The following PLD1 variants were observed in gnomAD, a reference collection of about 807,000 sequenced individuals.
PLD1 encodes the protein choline phosphatase 1.
In PLD1, 112 loss-of-function variants were observed where a neutral mutation model predicts 137.1. The observed-to-expected ratio is 0.82, with a 90% CI of 0.70 to 0.96. The LOEUF is 0.96. PLD1 is among the 40% of genes least tolerant of loss of function. The pLI is 0.00. For synonymous variants in PLD1, 431 were observed against 454.7 expected (o/e 0.95, Z 0.66); for missense variants, 1,321 against 1,342.0 (o/e 0.98, Z 0.24).
At chr3:171,775,622 C>A (rs1010757213) in intron 1 of PLD1, among the ~76,000 whole-genome samples, 53 of 152,128 alleles carry the variant, frequency 3.5e-4, no homozygotes, top group African/African-American at 1.3e-3. Flanking sequence ...AGGGGCGGAT[C>A]ACCTGAGGTC....
chr3:171,681,750 T>C (rs1713992918), intron 16 of PLD1, among the ~76,000 whole-genome samples: 1 of 152,196 alleles, frequency 6.6e-6, no homozygotes, highest in Non-Finnish European at 1.5e-5. Context: ...TTAAAACTCA[T>C]GCTCACCTAT....
At chr3:171,791,002 G>A (rs1723190873) in intron 1 of PLD1, among the ~76,000 whole-genome samples, 1 of 152,190 alleles carries the variant, frequency 6.6e-6, no homozygotes, top group South Asian at 2.1e-4. Flanking sequence ...TCACTGCTAT[G>A]TACATAGGAC....
chr3:171,635,963 T>G (rs1031776877), intron 23 of PLD1, among the ~76,000 whole-genome samples: 2 of 113,748 alleles, frequency 1.8e-5, no homozygotes, highest in African/African-American at 7.5e-5. Flanking sequence ...GGGGTTCAAC[T>G]TCTTTTTTTT....
intron 21 of PLD1, among the ~76,000 whole-genome samples, chr3:171,656,376 G>A (rs1444428263): frequency 6.6e-6 from 1 of 152,058 alleles, no homozygotes; most frequent in Admixed American, 6.6e-5. Flanking sequence ...TCACCACACT[G>A]GTCAGACTGG....
Position 171,662,222 on chromosome 3 carries a change from A to G in PLD1, c.2230-52T>C, listed in dbSNP as rs765873775. On this transcript the variant is annotated intron_variant, in intron 19 of 26. Coordinates refer to ENST00000351298, the MANE Select transcript of PLD1 (RefSeq NM_002662.5). ...AAGTATTAGCAATGGAGAGGACATC[A>G]GATATATTAATACAATGAAGTCACT... 6 of 984,544 alleles carry G rather than the reference A, an allele frequency of 6.1e-6. No homozygotes were observed. The Admixed American group carries it at 1.1e-4, about 18-fold the overall frequency. The allele number at this position is 984,544 out of a possible 1,614,324, so 61.0% of individuals were successfully genotyped here. A position where few individuals can be genotyped will look rare whatever the true frequency, so the allele number is the denominator to read the frequency against.
chr3:171,763,359 G>C (rs1281235428), intron 1 of PLD1, among the ~76,000 whole-genome samples: 2 of 150,452 alleles, frequency 1.3e-5, no homozygotes, highest in African/African-American at 2.5e-5. Flanking sequence ...GGAGGTCAAG[G>C]CTGCGGTGAA....
At chr3:171,623,208 T>C (rs544717330) in intron 23 of PLD1, among the ~76,000 whole-genome samples, 137 of 152,184 alleles carry the variant, frequency 9.0e-4, no homozygotes, top group Admixed American at 1.2e-3. Flanking sequence ...TGCCAACAAG[T>C]TCTCATGGAG....
chr3:171,804,118 T>G (rs1294910756), intron 1 of PLD1, among the ~76,000 whole-genome samples: 1 of 152,190 alleles, frequency 6.6e-6, no homozygotes, highest in Non-Finnish European at 1.5e-5. Context: ...TTTCTCACTT[T>G]TGGGTCTGTA....
intron 23 of PLD1, among the ~76,000 whole-genome samples, chr3:171,635,570 A>C (rs1468253029): frequency 6.6e-6 from 1 of 152,108 alleles, no homozygotes; most frequent in African/African-American, 2.4e-5. Context: ...TCTTCTTTAG[A>C]AAAATACCTG....
chr3:171,690,820 G>A (rs1351359113), intron 13 of PLD1, among the ~76,000 whole-genome samples: 2 of 152,200 alleles, frequency 1.3e-5, no homozygotes, highest in Non-Finnish European at 2.9e-5. Context: ...TGGGTAGAAT[G>A]TTCTGTATGC....
chr3:171,676,599 G>GT, intron 18 of PLD1, 116 bp downstream of exon 18: 1 of 790,168 alleles, frequency 1.3e-6, no homozygotes, highest in Non-Finnish European at 2.1e-6. Context: ...CAGCAGAGCA[G>GT]TGACACAGTT....
rs1012487747 is a variant in PLD1, at chr3:171,622,102, T to C, written c.2594-1582A>G. On this transcript the variant is annotated intron_variant, in intron 23 of 26. Coordinates refer to ENST00000351298, the MANE Select transcript of PLD1 (RefSeq NM_002662.5). ...TATCATCTACTCTCCTACAGCTGGATCATGATCTAGAATTTATAAGTTTAA... is the reference window on the plus strand; with the variant it reads ...TATCATCTACTCTCCTACAGCTGGACCATGATCTAGAATTTATAAGTTTAA... Among the ~76,000 whole-genome samples the C allele has an allele frequency of 2.6e-5, 4 of 152,216 alleles. No individual in the cohort carries two copies. In the East Asian group the frequency reaches 7.7e-4, roughly 29 times the overall value.
chr3:171,662,046 T>C lies in PLD1; in HGVS notation c.2340+14A>G, dbSNP rs1262145285. 4.8e-6 allele frequency: 7 copies of C among 1,471,560 alleles called. No individual in the cohort carries two copies. In the Admixed American group the frequency reaches 1.2e-4, roughly 26 times the overall value. The allele number at this position is 1,471,560 out of a possible 1,614,324, so 91.2% of individuals were successfully genotyped here. A position where few individuals can be genotyped will look rare whatever the true frequency, so the allele number is the denominator to read the frequency against. The stretch of plus-strand genomic sequence containing the variant: ...AGGCAGTTTCTCACACGAATTTACA[T>C]GAGCAAGACTTACTTCGATATAGAT... On this transcript the variant is annotated intron_variant, in intron 20 of 26. Coordinates refer to ENST00000351298, the MANE Select transcript of PLD1 (RefSeq NM_002662.5).
At chr3:171,798,972 G>A (rs1466431548) in intron 1 of PLD1, among the ~76,000 whole-genome samples, 1 of 152,112 alleles carries the variant, frequency 6.6e-6, no homozygotes, top group Admixed American at 6.6e-5. Flanking sequence ...CCTGATTTGG[G>A]GGCATCATTC....
intron 8 of PLD1, among the ~76,000 whole-genome samples, chr3:171,722,239 T>C (rs1560250741): frequency 1.3e-5 from 2 of 152,324 alleles, no homozygotes; most frequent in East Asian, 1.9e-4. Flanking sequence ...AGACGTAAGA[T>C]ATAAAATAAT....
At chr3:171,801,699 G>C (rs188555777) in intron 1 of PLD1, among the ~76,000 whole-genome samples, 1 of 152,328 alleles carries the variant, frequency 6.6e-6, no homozygotes, top group East Asian at 1.9e-4. Flanking sequence ...AAAGTGCCGG[G>C]ATAACAGGCA....
intron 1 of PLD1, among the ~76,000 whole-genome samples, chr3:171,785,066 C>A (rs1048699557): frequency 6.6e-6 from 1 of 152,184 alleles, no homozygotes; most frequent in African/African-American, 2.4e-5. Context: ...AGGAATACTA[C>A]AGTAAGTCCT....
chr3:171,785,077 G>A (rs1722953626), intron 1 of PLD1, among the ~76,000 whole-genome samples: 1 of 152,188 alleles, frequency 6.6e-6, no homozygotes, highest in African/African-American at 2.4e-5. Context: ...AGTAAGTCCT[G>A]TACAGATCCA....
chr3:171,605,486 A>T, intron 25 of PLD1, 70 bp from the exon 26 acceptor site: 1 of 850,238 alleles, frequency 1.2e-6, no homozygotes, highest in Non-Finnish European at 2.0e-6. Context: ...TATGTCTATT[A>T]TATCTATCTC....
Sources: gnomAD v4.1 joint callset for allele counts (sites outside exome capture counted in the v4.1 genomes callset) on GRCh38, gnomAD v4.1.1 for gene constraint, MANE v1.5 for transcripts, NCBI Gene and HGNC (gene_info 2026-07-23, HGNC 2026-07-21) for gene names.